The following PHF20 variants were observed in gnomAD, a reference collection of about 807,000 sequenced individuals.
PHF20 encodes the protein glioma-expressed antigen 2.
A neutral mutation model predicts 113.5 loss-of-function variants in PHF20; 23 were observed. That is an observed-to-expected ratio of 0.20 (90% CI 0.15 to 0.29). The LOEUF is 0.29. Ranked by LOEUF, PHF20 falls within the 10% of genes least tolerant of loss-of-function variation. PHF20 has a pLI of 1.00. For missense variants in PHF20, 943 were observed against 1,219.6 expected (o/e 0.77, Z 3.38); for synonymous variants, 434 against 457.3 (o/e 0.95, Z 0.65).
intron 2 of PHF20, among the ~76,000 whole-genome samples, chr20:35,805,360 A>ATTATTATTG (rs2041862205): frequency 2.5e-5 from 3 of 121,432 alleles, no homozygotes; most frequent in Non-Finnish European, 5.2e-5. Flanking sequence ...ATTTTTTATT[A>ATTATTATTG]TTATTATTAT....
At chr20:35,875,917 A>AT (rs2054513424) in intron 9 of PHF20, among the ~76,000 whole-genome samples, 1 of 152,216 alleles carries the variant, frequency 6.6e-6, no homozygotes, top group South Asian at 2.1e-4. Context: ...TTCCCAAAAT[A>AT]TACACATACA....
At chr20:35,794,823 T>C (rs2041635253) in intron 1 of PHF20, among the ~76,000 whole-genome samples, 1 of 152,184 alleles carries the variant, frequency 6.6e-6, no homozygotes, top group African/African-American at 2.4e-5. Flanking sequence ...CCAGTTACCA[T>C]AGCGACAGTA....
chr20:35,813,959 G>GAAAAAAAAAAA (rs2042022207), intron 2 of PHF20, among the ~76,000 whole-genome samples: 1 of 136,166 alleles, frequency 7.3e-6, no homozygotes, highest in Non-Finnish European at 1.6e-5. Context: ...AAAAAAAAAG[G>GAAAAAAAAAAA]AAATTGACCT....
chr20:35,815,117 G>A (rs2042048658), intron 2 of PHF20, among the ~76,000 whole-genome samples: 1 of 151,908 alleles, frequency 6.6e-6, no homozygotes, highest in Admixed American at 6.6e-5. Flanking sequence ...AATTGCTTGA[G>A]CCAAAGGAGG....
chr20:35,816,784 T>A (rs1421896225), intron 2 of PHF20, among the ~76,000 whole-genome samples: 1 of 147,242 alleles, frequency 6.8e-6, no homozygotes, highest in Non-Finnish European at 1.5e-5. Flanking sequence ...CAAAATTAAA[T>A]GAGTTTTTTT....
intron 1 of PHF20, among the ~76,000 whole-genome samples, chr20:35,786,973 A>G (rs866058845): frequency 9.4e-5 from 14 of 148,792 alleles, no homozygotes; most frequent in African/African-American, 3.0e-4. Context: ...GGTGGATGAT[A>G]TTGATCTCTT....
At chr20:35,923,908 C>T (rs964094808) in intron 13 of PHF20, among the ~76,000 whole-genome samples, 2 of 152,020 alleles carry the variant, frequency 1.3e-5, no homozygotes, top group East Asian at 1.9e-4. Context: ...CACAACATCA[C>T]ACCTTGCTAA....
intron 1 of PHF20, among the ~76,000 whole-genome samples, chr20:35,775,815 A>G (rs898967137): frequency 6.7e-5 from 10 of 148,884 alleles, no homozygotes; most frequent in Non-Finnish European, 1.2e-4. Flanking sequence ...GTGTGTATAT[A>G]TATATATTTT....
At chr20:35,902,200 C>T (rs1025263644) in intron 10 of PHF20, among the ~76,000 whole-genome samples, 2 of 152,106 alleles carry the variant, frequency 1.3e-5, no homozygotes, top group African/African-American at 2.4e-5. Context: ...CCCATGGGCT[C>T]TGCAGCACTG....
Position 35,869,510 on chromosome 20 carries a change from G to C in PHF20, c.881G>C (p.Cys294Ser), listed in dbSNP as rs370434795. ...ELRRRKISKG[C>S]EVPLKRPRLD... ...AGAAGAAGGAAAATATCAAAAGGATGTGAAGTCCCATTAAAACGTCCTCGG... is the reference window on the plus strand; with the variant it reads ...AGAAGAAGGAAAATATCAAAAGGATCTGAAGTCCCATTAAAACGTCCTCGG... The change falls in exon 7 of 18, where the codon TGT becomes TCT. Residue 294 changes from cysteine to serine, a missense_variant. By Grantham distance (112) the Cys-to-Ser change is moderately radical. Coordinates refer to ENST00000374012, the MANE Select transcript of PHF20 (RefSeq NM_016436.5). The C allele has an allele frequency of 6.2e-7, 1 of 1,611,100 alleles. No individual in the cohort carries two copies. Among genetic ancestry groups the C allele is most frequent in the East Asian group, 2.2e-5 (1 of 44,734 alleles).
chr20:35,792,745 G>A (rs2041582492), intron 1 of PHF20, among the ~76,000 whole-genome samples: 1 of 151,954 alleles, frequency 6.6e-6, no homozygotes, highest in Admixed American at 6.6e-5. Context: ...ATAATTCTTT[G>A]TGTCTGATGT....
Position 35,874,455 on chromosome 20 carries a change from A to G in PHF20, c.1282+2626A>G, listed in dbSNP as rs182638904. ...CTTCAGATTTTCTTATAGGTTCCTGATGACAAATTCTTCTGGTTTTTGTTA... is the reference window on the plus strand; with the variant it reads ...CTTCAGATTTTCTTATAGGTTCCTGGTGACAAATTCTTCTGGTTTTTGTTA... On this transcript the variant is annotated intron_variant, in intron 9 of 17. Coordinates refer to ENST00000374012, the MANE Select transcript of PHF20 (RefSeq NM_016436.5). Among the ~76,000 whole-genome samples, 19 of 152,118 alleles carry G rather than the reference A, an allele frequency of 1.2e-4. No individual in the cohort carries two copies. In the East Asian group the frequency reaches 3.7e-3, roughly 29 times the overall value.
intron 9 of PHF20, among the ~76,000 whole-genome samples, chr20:35,886,027 TTA>T (rs2054724664): frequency 6.6e-6 from 1 of 152,170 alleles, no homozygotes; most frequent in African/African-American, 2.4e-5. Context: ...CCTTGTTTGT[TTA>T]TCTGCATGGG....
chr20:35,836,079 G>T (rs2042434856), intron 2 of PHF20, among the ~76,000 whole-genome samples: 2 of 152,112 alleles, frequency 1.3e-5, no homozygotes, highest in Admixed American at 6.6e-5. Flanking sequence ...CACAATTATA[G>T]TTCACTGCAG....
At chr20:35,921,923 TTCTG>T (rs2055524746) in intron 13 of PHF20, among the ~76,000 whole-genome samples, 1 of 152,220 alleles carries the variant, frequency 6.6e-6, no homozygotes, top group South Asian at 2.1e-4. Flanking sequence ...GGCAGGGCTA[TTCTG>T]TCTAACAGTA....
intron 9 of PHF20, among the ~76,000 whole-genome samples, chr20:35,879,330 A>C (rs1336055884): frequency 1.3e-5 from 2 of 152,198 alleles, no homozygotes; most frequent in Non-Finnish European, 2.9e-5. Context: ...TGTAAACATG[A>C]GAATAACTTA....
intron 7 of PHF20, among the ~76,000 whole-genome samples, chr20:35,870,090 G>C (rs2054391178): frequency 6.6e-6 from 1 of 151,900 alleles, no homozygotes; most frequent in Admixed American, 6.6e-5. Flanking sequence ...AGATCATGAG[G>C]ACGGGAGATT....
chr20:35,773,743 C>T (rs2041113527), intron 1 of PHF20, among the ~76,000 whole-genome samples: 1 of 152,210 alleles, frequency 6.6e-6, no homozygotes, highest in Non-Finnish European at 1.5e-5. Flanking sequence ...CCTGGGCCCC[C>T]AGCGCTGGAT....
intron 1 of PHF20, chr20:35,800,173 C>T (rs2041750711): frequency 1.3e-5 from 2 of 151,962 alleles, no homozygotes; most frequent in South Asian, 2.1e-4. Flanking sequence ...AGGAATTAAA[C>T]GTGAATATTT....
Sources: allele counts gnomAD v4.1 joint callset (sites outside exome capture counted in the v4.1 genomes callset), GRCh38; gene constraint gnomAD v4.1.1; transcripts MANE v1.5; gene names NCBI Gene and HGNC (gene_info 2026-07-23, HGNC 2026-07-21).